The following MYT1L variants were observed in gnomAD, a reference collection of about 807,000 sequenced individuals.
MYT1L encodes myelin transcription factor 1 like, also known as myelin transcription factor 1-like protein.
MYT1L carries 12 observed loss-of-function variants against 126.7 expected under a neutral mutation model. The observed-to-expected ratio is 0.09, with a 90% CI of 0.06 to 0.15. The LOEUF is 0.15. Ranked by LOEUF, MYT1L falls within the 10% of genes least tolerant of loss-of-function variation. The pLI is 1.00. For missense variants in MYT1L, 979 were observed against 1,585.2 expected (o/e 0.62, Z 6.49); for synonymous variants, 541 against 604.2 (o/e 0.90, Z 1.53).
chr2:2,040,487 C>T (rs1437809135), intron 4 of MYT1L, among the ~76,000 whole-genome samples: 1 of 152,130 alleles, frequency 6.6e-6, no homozygotes, highest in Non-Finnish European at 1.5e-5. Flanking sequence ...CCCAGGGTGT[C>T]CCCGTTCCAG....
At chr2:1,884,520 CAT>C (rs1336884344) in intron 18 of MYT1L, among the ~76,000 whole-genome samples, 10 of 152,174 alleles carry the variant, frequency 6.6e-5, no homozygotes, top group Non-Finnish European at 1.2e-4. Context: ...GAAATTATAA[CAT>C]GTGGTTATAC....
intron 8 of MYT1L, among the ~76,000 whole-genome samples, chr2:1,977,962 G>C (rs1311323938): frequency 1.3e-5 from 2 of 152,006 alleles, no homozygotes; most frequent in African/African-American, 4.8e-5. Context: ...TAATGTAATT[G>C]ACTAAATTTA....
At chr2:1,796,288 C>T (rs770020618) in intron 23 of MYT1L, among the ~76,000 whole-genome samples, 7 of 152,122 alleles carry the variant, frequency 4.6e-5, no homozygotes, top group African/African-American at 4.8e-5. Flanking sequence ...AAAACATTTC[C>T]GGAAGAAGTG....
At chr2:1,847,063 ACTGT>A (rs2042596620) in intron 19 of MYT1L, among the ~76,000 whole-genome samples, 2 of 151,496 alleles carry the variant, frequency 1.3e-5, no homozygotes, top group Non-Finnish European at 2.9e-5. Context: ...ATAGGTAGAC[ACTGT>A]CTGGCCGTTT....
At chr2:1,973,785 C>T (rs1296257817) in intron 8 of MYT1L, among the ~76,000 whole-genome samples, 3 of 152,190 alleles carry the variant, frequency 2.0e-5, no homozygotes, top group Non-Finnish European at 4.4e-5. Flanking sequence ...TGATGCTTCC[C>T]CTGCTCAGGT....
intron 5 of MYT1L, among the ~76,000 whole-genome samples, chr2:1,987,754 C>T (rs1332171573): frequency 1.3e-5 from 2 of 152,132 alleles, no homozygotes; most frequent in Non-Finnish European, 2.9e-5. Flanking sequence ...TCTGGAGCAT[C>T]CTGGAGAAGC....
chr2:2,099,675 CAA>C (rs892445926), intron 3 of MYT1L, among the ~76,000 whole-genome samples: 3 of 152,172 alleles, frequency 2.0e-5, no homozygotes, highest in African/African-American at 7.2e-5. Flanking sequence ...AATGTCCTAA[CAA>C]AGAGTGAAAA....
At chr2:1,862,020 C>T (rs150884693) in intron 18 of MYT1L, among the ~76,000 whole-genome samples, 3 of 152,174 alleles carry the variant, frequency 2.0e-5, no homozygotes, top group Non-Finnish European at 2.9e-5. Context: ...TTTTCACACT[C>T]GGGGGTTACC....
At chr2:2,072,322 TG>T (rs2074699385) in intron 3 of MYT1L, among the ~76,000 whole-genome samples, 1 of 152,248 alleles carries the variant, frequency 6.6e-6, no homozygotes. Context: ...AAATGTATGC[TG>T]AGCACTTCAA....
intron 5 of MYT1L, among the ~76,000 whole-genome samples, chr2:1,996,660 G>A (rs1329927164): frequency 1.4e-5 from 2 of 141,888 alleles, no homozygotes; most frequent in Non-Finnish European, 3.1e-5. Context: ...CCTAGTGAGG[G>A]CCACCCTGCT....
intron 8 of MYT1L, among the ~76,000 whole-genome samples, chr2:1,958,955 G>A (rs183768500): frequency 6.6e-6 from 1 of 152,184 alleles, no homozygotes; most frequent in African/African-American, 2.4e-5. Flanking sequence ...TTATTGCAAG[G>A]GGCTTCCTCT....
chr2:1,839,820 T>A (rs922685156), intron 20 of MYT1L, among the ~76,000 whole-genome samples: 1 of 152,218 alleles, frequency 6.6e-6, no homozygotes, highest in Non-Finnish European at 1.5e-5. Flanking sequence ...TAGAAGACAT[T>A]TATTTGTCTG....
chr2:1,821,212 T>A (rs1005743612), intron 21 of MYT1L, among the ~76,000 whole-genome samples: 7 of 152,198 alleles, frequency 4.6e-5, no homozygotes, highest in Non-Finnish European at 1.0e-4. Flanking sequence ...ATTTTCCTTG[T>A]TTTCTTTCTT....
intron 2 of MYT1L, among the ~76,000 whole-genome samples, chr2:2,242,058 G>C (rs72769243): frequency 0.069 from 10,576 of 152,220 alleles, 511 homozygotes; most frequent in Middle Eastern, 0.11. Context: ...AAAGGAGAAG[G>C]AGGAGGAAGG....
intron 3 of MYT1L, among the ~76,000 whole-genome samples, chr2:2,135,074 T>C (rs2082865452): frequency 6.6e-6 from 1 of 152,218 alleles, no homozygotes; most frequent in Non-Finnish European, 1.5e-5. Flanking sequence ...GCTCCCTCAC[T>C]GGTGCAGAAT....
Position 1,922,223 on chromosome 2 carries a change from A to G in MYT1L, c.1483+63T>C. 1.9e-6 allele frequency: 3 copies of G among 1,569,070 alleles called. No individual in the cohort carries two copies. Among genetic ancestry groups the G allele is most frequent in the Non-Finnish European group, 2.6e-6 (3 of 1,155,792 alleles). On this transcript the variant is annotated intron_variant, in intron 10 of 24. Transcript: ENST00000647738. The surrounding 1 kb of genome is among the most constrained non-coding windows in gnomAD (Gnocchi z 7.4). ...AGTCACACTTTAACTGTAGACTACC[A>G]CCAACATCCTTTACCCTAGCTCATG... is the stretch of plus-strand genomic sequence containing the variant.
intron 3 of MYT1L, among the ~76,000 whole-genome samples, chr2:2,079,273 G>T (rs953372063): frequency 1.4e-4 from 21 of 151,936 alleles, no homozygotes; most frequent in African/African-American, 4.8e-4. Flanking sequence ...AAAACATCTG[G>T]AAATAAATTT....
chr2:1,943,457 C>T lies in MYT1L; in HGVS notation c.153-123G>A. The T allele has an allele frequency of 8.9e-7, 1 of 1,118,204 alleles. No individual in the cohort carries two copies. The highest frequency in any genetic ancestry group is 1.7e-5 in the South Asian group (1 of 57,814). The allele number at this position is 1,118,204 out of a possible 1,614,324, so 69.3% of individuals were successfully genotyped here. On this transcript the variant is annotated intron_variant, in intron 8 of 24. Coordinates refer to ENST00000647738, the MANE Select transcript of MYT1L (RefSeq NM_001303052.2). This position sits in a 1 kb window ranked among gnomAD's most constrained non-coding sequence, Gnocchi z 4.4. The stretch of plus-strand genomic sequence containing the variant: ...CTTAAAGGCTTATCATGAATGTCAT[C>T]AGCACAAACACCAGAGAGACATAAC...
At chr2:1,938,310 T>C (rs1355524129) in intron 9 of MYT1L, among the ~76,000 whole-genome samples, 1 of 152,196 alleles carries the variant, frequency 6.6e-6, no homozygotes, top group Non-Finnish European at 1.5e-5. Flanking sequence ...TCAAATCACA[T>C]GAATCCAAAA....
Sources: gnomAD v4.1 joint callset for allele counts (sites outside exome capture counted in the v4.1 genomes callset) on GRCh38, gnomAD v4.1.1 for gene constraint, Gnocchi (gnomAD v3.1) non-coding constraint, MANE v1.5 for transcripts, NCBI Gene and HGNC (gene_info 2026-07-23, HGNC 2026-07-21) for gene names.